Variants in ADGRF5 observed in about 807,000 individuals in gnomAD.
ADGRF5 encodes adhesion G protein-coupled receptor F5, also known as G-protein coupled receptor 116.
Under a neutral mutation model 132.3 loss-of-function variants are expected in ADGRF5, and 75 were observed. That is an observed-to-expected ratio of 0.57 (90% CI 0.47 to 0.69). The LOEUF (loss-of-function observed/expected upper bound fraction) is 0.69, where lower values mean the gene tolerates loss of function less well. Among genes scored for constraint, ADGRF5 ranks in the 30% least tolerant of loss-of-function variants. The probability of loss-of-function intolerance (pLI) is 0.00; values close to 1 mark genes in which losing one functional copy is unlikely to be tolerated. For missense variants in ADGRF5, 1,516 were observed against 1,630.6 expected (o/e 0.93, Z 1.21); for synonymous variants, 629 against 597.6 (o/e 1.05, Z -0.77).
At chr6:46,887,077 G>A (rs1466290791) in intron 4 of ADGRF5, 2 of 152,130 alleles carry the variant, frequency 1.3e-5, no homozygotes, top group African/African-American at 4.8e-5. Context: ...GAGTTTGTTA[G>A]TATGTTTATA....
intron 1 of ADGRF5, among the ~76,000 whole-genome samples, chr6:46,953,651 GTATATATATATATATATATATATATA>G (rs61302381): frequency 9.5e-5 from 4 of 42,186 alleles, no homozygotes; most frequent in South Asian, 1.0e-3. Flanking sequence ...AGATATATGT[GTATATATATATATATATATATATATA>G]TATATATATA....
At chr6:46,883,700 G>T in intron 5 of ADGRF5, 35 bp from the exon 6 acceptor site, 1 of 1,100,068 alleles carries the variant, frequency 9.1e-7, no homozygotes, top group Non-Finnish European at 1.4e-6. Flanking sequence ...TTAAAAATAT[G>T]TTAATGTCTG....
At chr6:46,933,878 A>G (rs1174840195) in intron 1 of ADGRF5, among the ~76,000 whole-genome samples, 2 of 152,208 alleles carry the variant, frequency 1.3e-5, no homozygotes, top group African/African-American at 4.8e-5. Flanking sequence ...ACATAGCTAC[A>G]TATCAACAAT....
intron 7 of ADGRF5, 51 bp from the exon 8 acceptor site, chr6:46,881,648 C>G (rs1280021356): frequency 6.5e-7 from 1 of 1,543,816 alleles, no homozygotes; most frequent in South Asian, 1.2e-5. Flanking sequence ...CTGGAAGAGT[C>G]TAGATATTTA....
At chr6:46,923,619 A>T (rs1234451484), upstream of ADGRF5, among the ~76,000 whole-genome samples, 1 of 152,100 alleles carries the variant, frequency 6.6e-6, no homozygotes. Flanking sequence ...TCCTGCTCGT[A>T]TTTTGGTTGT....
At chr6:46,931,813 G>A (rs1477506685) in intron 1 of ADGRF5, among the ~76,000 whole-genome samples, 2 of 152,162 alleles carry the variant, frequency 1.3e-5, no homozygotes, top group African/African-American at 2.4e-5. Context: ...CCAGCTACTC[G>A]GGAGGCTGAG....
chr6:46,885,408 TA>T (rs1170654585), intron 4 of ADGRF5, among the ~76,000 whole-genome samples: 1 of 152,182 alleles, frequency 6.6e-6, no homozygotes, highest in African/African-American at 2.4e-5. Context: ...ATAAGAGAAC[TA>T]AACTTTTTGT....
intron 8 of ADGRF5, among the ~76,000 whole-genome samples, chr6:46,880,969 G>A (rs1035175003): frequency 1.3e-5 from 2 of 152,000 alleles, no homozygotes; most frequent in Admixed American, 1.3e-4. Context: ...GTATGGAGGT[G>A]TGCACCTGTG....
At chr6:46,920,910 G>A (rs183643278) in intron 1 of ADGRF5, among the ~76,000 whole-genome samples, 25 of 152,190 alleles carry the variant, frequency 1.6e-4, no homozygotes, top group African/African-American at 4.3e-4. Context: ...ATTCTTTTAC[G>A]ATAAGAATAT....
At chr6:46,910,250 A>G (rs1775806006) in intron 1 of ADGRF5, among the ~76,000 whole-genome samples, 1 of 152,166 alleles carries the variant, frequency 6.6e-6, no homozygotes, top group Non-Finnish European at 1.5e-5. Flanking sequence ...ACCATTTATG[A>G]TAGGATTGTG....
chr6:46,926,026 A>C (rs1337123136), upstream of ADGRF5, among the ~76,000 whole-genome samples: 1 of 151,988 alleles, frequency 6.6e-6, no homozygotes, highest in East Asian at 1.9e-4. Context: ...CTCCTTTGGC[A>C]CTGATCTGTC....
chr6:46,922,264 A>G (rs2150927425), upstream of ADGRF5, among the ~76,000 whole-genome samples: 1 of 152,314 alleles, frequency 6.6e-6, no homozygotes, highest in Non-Finnish European at 1.5e-5. Flanking sequence ...GAAAATTAAG[A>G]CTATCGATGA....
In ADGRF5 at chr6:46,953,651, GTATATATATATA is replaced by G. The variant is rs61302381; in HGVS notation, c.-25+1071_-25+1082del. ...AAATTATATATATATAGATATATGT[GTATATATATATA>G]TATATATATATATATATATATATAT... On this transcript the variant is annotated intron_variant, in intron 1 of 20. Coordinates refer to the ADGRF5 transcript ENST00000265417. Among the ~76,000 whole-genome samples the G allele has an allele frequency of 8.3e-4, 35 of 42,184 alleles. No individual in the cohort carries two copies. The East Asian group carries it at 0.028, about 34-fold the overall frequency. The allele number at this position is 42,184 out of a possible 152,430, so 27.7% of individuals were successfully genotyped here. A position where few individuals can be genotyped will look rare whatever the true frequency, so the allele number is the denominator to read the frequency against.
chr6:46,946,895 C>A (rs1778322122), intron 1 of ADGRF5, among the ~76,000 whole-genome samples: 1 of 152,148 alleles, frequency 6.6e-6, no homozygotes, highest in Non-Finnish European at 1.5e-5. Flanking sequence ...GGTGAAGACA[C>A]CATAAAGATG....
At chr6:46,913,657 T>G (rs539621606) in intron 1 of ADGRF5, among the ~76,000 whole-genome samples, 1 of 152,162 alleles carries the variant, frequency 6.6e-6, no homozygotes, top group Non-Finnish European at 1.5e-5. Context: ...GAAACTGTAC[T>G]GGGAAGAGTT....
intron 1 of ADGRF5, among the ~76,000 whole-genome samples, chr6:46,953,860 G>T (rs1016065624): frequency 6.6e-6 from 1 of 151,430 alleles, no homozygotes; most frequent in African/African-American, 2.4e-5. Context: ...CAATAAATAG[G>T]TATGAATTGT....
At chr6:46,934,118 C>G (rs1777698605) in intron 1 of ADGRF5, among the ~76,000 whole-genome samples, 1 of 152,172 alleles carries the variant, frequency 6.6e-6, no homozygotes, top group Admixed American at 6.5e-5. Context: ...CTTCTGGGCT[C>G]TCACTAAATA....
chr6:46,901,611 G>A (rs976275380), intron 2 of ADGRF5, among the ~76,000 whole-genome samples: 1 of 152,222 alleles, frequency 6.6e-6, no homozygotes, highest in East Asian at 1.9e-4. Flanking sequence ...GAGAGGTCCA[G>A]TAACTTGCCC....
At chr6:46,857,708 A>G (rs1023524289) in intron 17 of ADGRF5, among the ~76,000 whole-genome samples, 1 of 152,190 alleles carries the variant, frequency 6.6e-6, no homozygotes, top group African/African-American at 2.4e-5. Flanking sequence ...TTTCATTCAA[A>G]TGATTATTGA....
Sources: allele counts gnomAD v4.1 joint callset (sites outside exome capture counted in the v4.1 genomes callset), GRCh38; gene constraint gnomAD v4.1.1; transcripts MANE v1.5; gene names NCBI Gene and HGNC (gene_info 2026-07-23, HGNC 2026-07-21).